RASGEF1A: variants seen among roughly 807,000 people sequenced by gnomAD.
RASGEF1A encodes ras-GEF domain-containing family member 1A.
In RASGEF1A, 18 loss-of-function variants were observed where a neutral mutation model predicts 56.4. The observed-to-expected ratio is 0.32, with a 90% confidence interval of 0.22 to 0.47. RASGEF1A has a LOEUF of 0.47. Ranked by LOEUF, RASGEF1A falls within the 20% of genes least tolerant of loss-of-function variation. The pLI, the probability that RASGEF1A is intolerant of heterozygous loss-of-function variation, is 1.00. For synonymous variants in RASGEF1A, 245 were observed against 242.6 expected (o/e 1.01, Z -0.09); for missense variants, 422 against 627.1 (o/e 0.67, Z 3.49).
intron 5 of RASGEF1A, 60 bp from the exon 6 acceptor site, chr10:43,200,316 G>C (rs1005568018): frequency 2.1e-6 from 3 of 1,419,536 alleles, no homozygotes; most frequent in African/African-American, 1.4e-5. Flanking sequence ...GGACAGCACT[G>C]CATAGGCATG....
chr10:43,196,391 C>T lies in RASGEF1A; in HGVS notation c.1421+85G>A. The T allele has an allele frequency of 2.6e-6, 4 of 1,554,550 alleles. No individual in the cohort carries two copies. The highest frequency in any genetic ancestry group is 2.7e-6 in the Non-Finnish European group (3 of 1,126,822). The stretch of plus-strand genomic sequence containing the variant: ...GACCAGGGACGCGGCAGTGCCCAGG[C>T]TCCCTTTCCAGGAGGGTAACCCTCG... On this transcript the variant is annotated intron_variant, in intron 12 of 12. Coordinates refer to ENST00000395810, the MANE Select transcript of RASGEF1A (RefSeq NM_145313.4). This position sits in a 1 kb window ranked among gnomAD's most constrained non-coding sequence, Gnocchi z 4.6.
At position 43,229,621 on chromosome 10, in the gene RASGEF1A, C is replaced by T. The variant is rs1008599139; in HGVS notation, c.-6-23499G>A. 45 of 1,491,856 alleles carry T rather than the reference C, an allele frequency of 3.0e-5. 1 individual carries two copies. Among genetic ancestry groups the T allele is most frequent in the Admixed American group, 2.6e-4 (12 of 46,950 alleles). 92.4% of individuals were successfully genotyped at this position (1,491,856 alleles called of 1,614,324 possible). A position where few individuals can be genotyped will look rare whatever the true frequency, so the allele number is the denominator to read the frequency against. ...CCTGCCCCGCGGCCTTGCGCCTGGGCCCGCCGCAGCCCTACCTGGGGCTCC... is the reference window on the plus strand; with the variant it reads ...CCTGCCCCGCGGCCTTGCGCCTGGGTCCGCCGCAGCCCTACCTGGGGCTCC... On this transcript the variant is annotated intron_variant, in intron 1 of 12. Transcript: ENST00000395810.
At chr10:43,203,593 CTA>C in intron 2 of RASGEF1A, 173 bp from the exon 3 acceptor site, 1 of 1,257,474 alleles carries the variant, frequency 8.0e-7, no homozygotes, top group Non-Finnish European at 1.1e-6. Flanking sequence ...CCTCTTACTG[CTA>C]CCCCGGCCCT....
intron 1 of RASGEF1A, among the ~76,000 whole-genome samples, chr10:43,245,303 C>G (rs1840556141): frequency 6.6e-6 from 1 of 152,058 alleles, no homozygotes; most frequent in African/African-American, 2.4e-5. Context: ...AACTTCTTGC[C>G]CACAAAGAAA....
At chr10:43,261,920 C>T (rs536314400) in intron 1 of RASGEF1A, among the ~76,000 whole-genome samples, 2 of 152,324 alleles carry the variant, frequency 1.3e-5, no homozygotes, top group South Asian at 4.1e-4. Context: ...TTGGAGTCTG[C>T]GTCTGTACAG....
intron 1 of RASGEF1A, among the ~76,000 whole-genome samples, chr10:43,252,692 G>C (rs1266029524): frequency 6.6e-6 from 1 of 152,078 alleles, no homozygotes; most frequent in African/African-American, 2.4e-5. Flanking sequence ...GGGCTTTTTA[G>C]CACAGACAGA....
intron 1 of RASGEF1A, among the ~76,000 whole-genome samples, chr10:43,261,100 T>C (rs1836520442): frequency 6.7e-6 from 1 of 150,132 alleles, no homozygotes; most frequent in Non-Finnish European, 1.5e-5. Flanking sequence ...GGGAGCGCCC[T>C]CCCCCTCGGC....
chr10:43,262,606 C>T (rs1013330171), intron 1 of RASGEF1A, among the ~76,000 whole-genome samples: 9 of 152,370 alleles, frequency 5.9e-5, no homozygotes, highest in East Asian at 3.9e-4. Context: ...GCCACTGTCT[C>T]GTGGCTGGGC....
chr10:43,204,809 G>A (rs561755593), intron 2 of RASGEF1A, among the ~76,000 whole-genome samples: 11 of 152,164 alleles, frequency 7.2e-5, no homozygotes, highest in Admixed American at 3.3e-4. Context: ...CCTCTGAGAA[G>A]GGTGGCTTCT....
In RASGEF1A at chr10:43,211,799, C is replaced by A. The variant is rs78863044; in HGVS notation, c.-6-5677G>T. Among the ~76,000 whole-genome samples the A allele has an allele frequency of 7.8e-3, 1,184 of 152,316 alleles. 21 individuals are homozygous for A. Among genetic ancestry groups the A allele is most frequent in the African/African-American group, 0.027 (1,131 of 41,562 alleles). On this transcript the variant is annotated intron_variant, in intron 1 of 12. Transcript: ENST00000395810. ...GGGCCTGGGACTGCATGCCAGAGAA[C>A]AGGCTCTGTCCCCACACCCACGGGA... is the stretch of plus-strand genomic sequence containing the variant.
chr10:43,239,220 C>T (rs1181856661), intron 1 of RASGEF1A, among the ~76,000 whole-genome samples: 1 of 152,250 alleles, frequency 6.6e-6, no homozygotes, highest in African/African-American at 2.4e-5. Context: ...CAACGAAAAA[C>T]ACTCCTGCAA....
intron 1 of RASGEF1A, among the ~76,000 whole-genome samples, chr10:43,232,300 T>C (rs910584445): frequency 1.3e-5 from 2 of 152,116 alleles, no homozygotes; most frequent in African/African-American, 4.8e-5. Flanking sequence ...TTTGAAAGTG[T>C]GGGGCACCTC....
intron 1 of RASGEF1A, among the ~76,000 whole-genome samples, chr10:43,226,465 A>G (rs1840281353): frequency 6.6e-6 from 1 of 152,058 alleles, no homozygotes; most frequent in Non-Finnish European, 1.5e-5. Context: ...AAAAAAAGAA[A>G]CAGAGAAGCT....
At chr10:43,251,269 G>T (rs780118386) in intron 1 of RASGEF1A, among the ~76,000 whole-genome samples, 4 of 152,298 alleles carry the variant, frequency 2.6e-5, no homozygotes, top group Middle Eastern at 3.4e-3. Flanking sequence ...GGGCCCTCAT[G>T]AAAAGCACCC....
At chr10:43,258,414 C>A (rs528496095) in intron 1 of RASGEF1A, among the ~76,000 whole-genome samples, 1 of 152,216 alleles carries the variant, frequency 6.6e-6, no homozygotes, top group South Asian at 2.1e-4. Context: ...TCACCACTTC[C>A]CCTGCCCCAT....
At chr10:43,215,401 A>G (rs1840122693) in intron 1 of RASGEF1A, among the ~76,000 whole-genome samples, 1 of 152,178 alleles carries the variant, frequency 6.6e-6, no homozygotes, top group Admixed American at 6.5e-5. Flanking sequence ...AAAATTACAC[A>G]TCTCGCCTGT....
intron 1 of RASGEF1A, 99 bp from the exon 2 acceptor site, chr10:43,206,221 G>A: frequency 1.9e-6 from 2 of 1,037,944 alleles, no homozygotes; most frequent in Non-Finnish European, 2.8e-6. Flanking sequence ...ATGTGTGCAG[G>A]GGTGCGTGGC....
At chr10:43,261,733 G>C (rs114857313) in intron 1 of RASGEF1A, among the ~76,000 whole-genome samples, 312 of 152,260 alleles carry the variant, frequency 2.0e-3, no homozygotes, top group African/African-American at 7.1e-3. Context: ...TCCTCAGCCA[G>C]CAAAGCCGGG....
chr10:43,226,257 C>T (rs577682230), intron 1 of RASGEF1A, among the ~76,000 whole-genome samples: 1 of 152,280 alleles, frequency 6.6e-6, no homozygotes, highest in South Asian at 2.1e-4. Context: ...GCCTGACCAA[C>T]ATAGAGAAAC....
Sources: gnomAD v4.1 joint callset for allele counts (sites outside exome capture counted in the v4.1 genomes callset) on GRCh38, gnomAD v4.1.1 for gene constraint, Gnocchi (gnomAD v3.1) non-coding constraint, MANE v1.5 for transcripts, NCBI Gene and HGNC (gene_info 2026-07-23, HGNC 2026-07-21) for gene names.